The following EFHC1 variants were observed in gnomAD, a reference collection of about 807,000 sequenced individuals.
EFHC1 encodes the protein EF-hand domain containing 1.
Under a neutral mutation model 69.9 loss-of-function variants are expected in EFHC1, and 53 were observed. The ratio of observed to expected loss-of-function variants is 0.76; its 90% confidence interval spans 0.61 to 0.95. The LOEUF (loss-of-function observed/expected upper bound fraction) is 0.95. Ranked by LOEUF, EFHC1 falls within the 40% of genes least tolerant of loss-of-function variation. The pLI is 0.00. For synonymous variants in EFHC1, 256 were observed against 278.4 expected (o/e 0.92, Z 0.80); for missense variants, 739 against 798.7 (o/e 0.93, Z 0.90).
intron 3 of EFHC1, among the ~76,000 whole-genome samples, chr6:52,446,776 C>G (rs1273979414): frequency 6.6e-6 from 1 of 152,122 alleles, no homozygotes; most frequent in African/African-American, 2.4e-5. Flanking sequence ...AATCTGTCAG[C>G]ATTTGTTTGT....
chr6:52,465,785 C>CA (rs1765292522), intron 6 of EFHC1, among the ~76,000 whole-genome samples: 1 of 149,596 alleles, frequency 6.7e-6, no homozygotes, highest in Non-Finnish European at 1.5e-5. Flanking sequence ...CCAGCCTGGG[C>CA]AACAGAATGA....
At chr6:52,453,484 A>G (rs1562452768) in intron 4 of EFHC1, 2 of 1,287,168 alleles carry the variant, frequency 1.6e-6, no homozygotes, top group South Asian at 1.2e-5. Flanking sequence ...TTCTTTAGAC[A>G]TTTAACCCCT....
At chr6:52,473,403 A>G (rs1321487536) in intron 7 of EFHC1, among the ~76,000 whole-genome samples, 2 of 152,250 alleles carry the variant, frequency 1.3e-5, no homozygotes, top group African/African-American at 4.8e-5. Context: ...GTAAAACAAT[A>G]AAACTTCTTA....
At chr6:52,465,191 A>G (rs1383404342) in intron 6 of EFHC1, 76 bp downstream of exon 6, 8 of 1,263,360 alleles carry the variant, frequency 6.3e-6, no homozygotes, top group Admixed American at 1.9e-5. Flanking sequence ...AAAGACTTCT[A>G]TGCAAATATT....
At chr6:52,436,180 A>G (rs1486762606) in intron 2 of EFHC1, among the ~76,000 whole-genome samples, 1 of 152,204 alleles carries the variant, frequency 6.6e-6, no homozygotes, top group African/African-American at 2.4e-5. Context: ...TTGATCTAAA[A>G]TGTTACTTCA....
At chr6:52,477,110 C>G (rs953893877) in intron 7 of EFHC1, among the ~76,000 whole-genome samples, 27 of 151,962 alleles carry the variant, frequency 1.8e-4, no homozygotes, top group African/African-American at 6.5e-4. Flanking sequence ...CATTGTCCCC[C>G]CCAACCCCCC....
At chr6:52,476,471 C>G (rs1477175420) in intron 7 of EFHC1, among the ~76,000 whole-genome samples, 5 of 152,192 alleles carry the variant, frequency 3.3e-5, no homozygotes, top group Non-Finnish European at 7.3e-5. Flanking sequence ...TTCCCATAAT[C>G]TCAAAACATC....
rs143088939 is a variant in EFHC1 at position 52,443,687 on chromosome 6, G to C, written c.573+5096G>C. ...CCAGTACCATGTTGTTTTGGTTACT[G>C]TAGCCTTGTACTATAGTTTGAAGTC... On this transcript the variant is annotated intron_variant, in intron 3 of 10. Coordinates refer to ENST00000371068, the MANE Select transcript of EFHC1 (RefSeq NM_018100.4). Among the ~76,000 whole-genome samples the C allele has an allele frequency of 3.1e-3, 478 of 152,306 alleles. 22 individuals carry two copies. The East Asian group carries it at 0.076, about 24-fold the overall frequency.
rs1386784099 is a variant in EFHC1, at chr6:52,423,796, A to G, written c.64-150A>G. The G allele has an allele frequency of 2.6e-6, 4 of 1,532,884 alleles. No homozygotes were observed. In the Admixed American group the frequency reaches 7.9e-5, roughly 30 times the overall value. 95.0% of individuals were successfully genotyped at this position (1,532,884 alleles called of 1,614,324 possible). A position where few individuals can be genotyped will look rare whatever the true frequency, so the allele number is the denominator to read the frequency against. On this transcript the variant is annotated intron_variant, in intron 1 of 10. Transcript: ENST00000371068. ...TCTGGGATTATAGGCACGAGCCACC[A>G]TGCCCAGCCTTAATGTTGGTAAGCT...
At chr6:52,479,593 C>T (rs775526146) in intron 8 of EFHC1, 47 bp from the exon 9 acceptor site, 3 of 1,613,184 alleles carry the variant, frequency 1.9e-6, no homozygotes, top group African/African-American at 1.3e-5. Context: ...CTCCTGATTG[C>T]GTGAGAGAAC....
At chr6:52,440,079 T>A (rs1581820080) in intron 3 of EFHC1, among the ~76,000 whole-genome samples, 1 of 152,272 alleles carries the variant, frequency 6.6e-6, no homozygotes, top group African/African-American at 2.4e-5. Flanking sequence ...TAGTCGGTTC[T>A]CATTATTGAC....
At position 52,423,976 on chromosome 6, in the gene EFHC1, AG is replaced by A; in HGVS notation, c.95del (p.Ser32ThrfsTer16). 6.2e-7 allele frequency: 1 copy of A among 1,614,074 alleles called. No homozygotes were observed. ...KTAFHRSQTLSYRNGYAIVRR... is the reference protein window; with the variant it reads ...KTAFHRSQTLXYRNGYAIVRR... ...AGCCTTCCACAGAAGTCAGACGCTG[AG>A]CTACAGGAACGGCTATGCAATTGTT... On this transcript the variant is annotated frameshift_variant, in exon 2 of 11. Transcript: ENST00000371068. LOFTEE classifies it high-confidence loss of function.
intron 2 of EFHC1, among the ~76,000 whole-genome samples, chr6:52,432,532 C>T (rs1764438615): frequency 6.6e-6 from 1 of 152,032 alleles, no homozygotes; most frequent in South Asian, 2.1e-4. Flanking sequence ...AAGATAGGGC[C>T]CCAATCCCTT....
intron 9 of EFHC1, chr6:52,488,293 G>A (rs559322198): frequency 6.6e-6 from 1 of 152,224 alleles, no homozygotes; most frequent in Admixed American, 6.5e-5. Flanking sequence ...AACACATTCT[G>A]CTTCTATAAT....
rs1554262763 is a variant in EFHC1, at chr6:52,497,154, T to TAAAG, written c.*4815_*4818dup. On this transcript the variant is annotated 3_prime_UTR_variant, in exon 11 of 11. Transcript: ENST00000371068. ...GAAAACCTCTTTTCCACTTTACTAT[T>TAAAG]AAAGAGTCAAATAAAAATGATGCTT... 3 of 152,220 alleles carry TAAAG rather than the reference T, an allele frequency of 2.0e-5. No individual in the cohort carries two copies. Among genetic ancestry groups the TAAAG allele is most frequent in the East Asian group, 1.9e-4 (1 of 5,208 alleles). The allele number at this position is 152,220 out of a possible 1,614,324, so 9.4% of individuals were successfully genotyped here. A position where few individuals can be genotyped will look rare whatever the true frequency, so the allele number is the denominator to read the frequency against.
At chr6:52,423,705 C>G in intron 1 of EFHC1, 9 of 258,222 alleles carry the variant, frequency 3.5e-5, no homozygotes, top group East Asian at 1.0e-4. Flanking sequence ...GAGACAGCAT[C>G]TTGTTGCCCA....
In EFHC1 at chr6:52,448,273, G is replaced by A. The variant is rs373262832; in HGVS notation, c.574-4415G>A. ...TAGCTGCTCAAGCCTCAGCAATGGC[G>A]GATGCCCCTCCACCAGCCTCGCTGC... On this transcript the variant is annotated intron_variant, in intron 3 of 10. Transcript: ENST00000371068. Among the ~76,000 whole-genome samples, 476 of 152,344 alleles carry A rather than the reference G, an allele frequency of 3.1e-3. 1 individual carries two copies. Among genetic ancestry groups the A allele is most frequent in the African/African-American group, 0.011 (465 of 41,574 alleles).
chr6:52,439,597 A>T (rs1164406224), intron 3 of EFHC1, among the ~76,000 whole-genome samples: 1 of 152,172 alleles, frequency 6.6e-6, no homozygotes, highest in East Asian at 1.9e-4. Flanking sequence ...AAATAAATAG[A>T]TTGGTTATAT....
chr6:52,473,918 A>G (rs13200454), intron 7 of EFHC1, among the ~76,000 whole-genome samples: 27,394 of 152,224 alleles, frequency 0.18, 2,930 homozygotes, highest in Non-Finnish European at 0.24. Context: ...ACAGAAATCA[A>G]CCAAGATCTT....
Sources: allele counts gnomAD v4.1 joint callset (sites outside exome capture counted in the v4.1 genomes callset), GRCh38; gene constraint gnomAD v4.1.1; transcripts MANE v1.5; gene names NCBI Gene and HGNC (gene_info 2026-07-23, HGNC 2026-07-21).